RGS7: variants seen among roughly 807,000 people sequenced by gnomAD.
RGS7 encodes the protein regulator of G protein signaling 7, also known as regulator of G-protein signaling 7.
Under a neutral mutation model 81.1 loss-of-function variants are expected in RGS7, and 27 were observed. That is an observed-to-expected ratio of 0.33 (90% CI 0.25 to 0.46). The LOEUF (loss-of-function observed/expected upper bound fraction) is 0.46. RGS7 is among the 20% of genes least tolerant of loss of function. RGS7 has a pLI of 1.00. For missense variants in RGS7, 396 were observed against 607.4 expected (o/e 0.65, Z 3.66); for synonymous variants, 208 against 207.7 (o/e 1.00, Z -0.01).
At chr1:241,323,738 C>A (rs902586005) in intron 2 of RGS7, among the ~76,000 whole-genome samples, 1 of 152,206 alleles carries the variant, frequency 6.6e-6, no homozygotes, top group Non-Finnish European at 1.5e-5. Flanking sequence ...CCCTGAGGTT[C>A]TGATTCCAGT....
intron 2 of RGS7, among the ~76,000 whole-genome samples, chr1:241,265,995 T>C (rs2077574111): frequency 6.6e-6 from 1 of 152,046 alleles, no homozygotes; most frequent in Non-Finnish European, 1.5e-5. Flanking sequence ...GGTTTCTCCA[T>C]GTTGGTCAGG....
intron 6 of RGS7, among the ~76,000 whole-genome samples, chr1:240,872,779 A>G (rs1454868002): frequency 1.3e-5 from 2 of 152,220 alleles, no homozygotes; most frequent in Non-Finnish European, 2.9e-5. Context: ...ACTCATGCAT[A>G]GTCAAAACTA....
Position 240,814,746 on chromosome 1 carries a change from T to C in RGS7, c.815A>G (p.His272Arg), listed in dbSNP as rs1690497526. Residue 272 changes from histidine to arginine, a missense_variant, in exon 12 of 19, where the codon CAT (histidine) becomes CGT (arginine). By Grantham distance (29) the His-to-Arg change is conservative (BLOSUM62 0). Transcript: ENST00000440928. ...IKYWQIQLDR[H>R]RLKMSKVADS... Reference sequence around the variant, plus strand: ...AGCGACTTTTGACATTTTTAACCGATGTCTATCTAACTGTATTTGCCAATA... The same window carrying C: ...AGCGACTTTTGACATTTTTAACCGACGTCTATCTAACTGTATTTGCCAATA... 3 of 1,601,962 alleles carry C rather than the reference T, an allele frequency of 1.9e-6. No homozygotes were observed. Among genetic ancestry groups the C allele is most frequent in the Non-Finnish European group, 2.6e-6 (3 of 1,169,262 alleles).
intron 4 of RGS7, among the ~76,000 whole-genome samples, chr1:240,957,302 G>A (rs1680603581): frequency 6.6e-6 from 1 of 152,204 alleles, no homozygotes; most frequent in Non-Finnish European, 1.5e-5. Context: ...ACTTACACCA[G>A]TGCTTTGCCA....
At chr1:240,832,509 TG>T (rs1446909156) in intron 9 of RGS7, among the ~76,000 whole-genome samples, 1 of 152,228 alleles carries the variant, frequency 6.6e-6, no homozygotes, top group Non-Finnish European at 1.5e-5. Context: ...AGTGTCCTCA[TG>T]AGGTGCAAAA....
At chr1:241,137,633 T>C (rs1052513368) in intron 2 of RGS7, among the ~76,000 whole-genome samples, 1 of 152,336 alleles carries the variant, frequency 6.6e-6, no homozygotes, top group East Asian at 1.9e-4. Flanking sequence ...CAGTATGTGC[T>C]GGAGCTGGCA....
In RGS7 at chr1:241,002,175, G is replaced by T. The variant is rs918360529; in HGVS notation, c.176-19046C>A. Reference sequence around the variant, plus strand: ...AGTCTTAAAAAAATAGGCCCGGCGGGATGGCTCATGCTGGTAATCCCAGCA... The same window carrying T: ...AGTCTTAAAAAAATAGGCCCGGCGGTATGGCTCATGCTGGTAATCCCAGCA... On this transcript the variant is annotated intron_variant, in intron 3 of 18. Transcript: ENST00000440928. 2.0e-5 allele frequency among the ~76,000 whole-genome samples: 3 copies of T among 152,226 alleles called. No individual in the cohort carries two copies. The South Asian group carries it at 6.2e-4, about 32-fold the overall frequency.
intron 4 of RGS7, among the ~76,000 whole-genome samples, chr1:240,960,217 C>CTTCTTTTTTTTTTTTTTTTTTTTTTTTT (rs60911948): frequency 7.8e-4 from 7 of 8,952 alleles, no homozygotes; most frequent in East Asian, 6.4e-3. Context: ...TCTTCTTCTT[C>CTTCTTTTTTTTTTTTTTTTTTTTTTTTT]TTTTTTTTTT....
Position 241,231,435 on chromosome 1 carries a change from G to C in RGS7, c.78+124264C>G, listed in dbSNP as rs111978881. Among the ~76,000 whole-genome samples, 605 of 152,212 alleles carry C rather than the reference G, an allele frequency of 4.0e-3. 3 individuals carry two copies. Among genetic ancestry groups the C allele is most frequent in the Non-Finnish European group, 5.2e-3 (353 of 68,022 alleles). On this transcript the variant is annotated intron_variant, in intron 2 of 18. Transcript: ENST00000440928. ...ATCACATTTTGATTAACCATGCCTG[G>C]CTAATTTTTGTATTTTTAGGAGACA...
intron 3 of RGS7, among the ~76,000 whole-genome samples, chr1:241,049,205 A>G (rs1213326692): frequency 6.6e-6 from 1 of 152,204 alleles, no homozygotes; most frequent in Non-Finnish European, 1.5e-5. Context: ...CATAACACTA[A>G]GATTGAAAAC....
intron 2 of RGS7, among the ~76,000 whole-genome samples, chr1:241,197,951 AT>A (rs2073204198): frequency 6.6e-6 from 1 of 151,772 alleles, no homozygotes; most frequent in East Asian, 1.9e-4. Flanking sequence ...CTATCTATCT[AT>A]CTATCTATCT....
chr1:241,162,865 A>G (rs1401390015), intron 2 of RGS7, among the ~76,000 whole-genome samples: 1 of 152,224 alleles, frequency 6.6e-6, no homozygotes, highest in Non-Finnish European at 1.5e-5. Context: ...AATTTGAAGT[A>G]AGGCAGTCTG....
intron 2 of RGS7, among the ~76,000 whole-genome samples, chr1:241,109,083 C>T (rs1032717919): frequency 1.3e-5 from 2 of 152,292 alleles, no homozygotes; most frequent in African/African-American, 4.8e-5. Context: ...TTGTTTAAAA[C>T]TTCCATTGGC....
chr1:240,874,092 T>C (rs1036964447), intron 6 of RGS7, among the ~76,000 whole-genome samples: 75 of 152,182 alleles, frequency 4.9e-4, no homozygotes, highest in African/African-American at 1.7e-3. Flanking sequence ...CCTTCTACCA[T>C]GTGGGGACAC....
chr1:241,083,245 A>G (rs1301311908), intron 3 of RGS7, among the ~76,000 whole-genome samples: 6 of 143,212 alleles, frequency 4.2e-5, no homozygotes, highest in African/African-American at 1.7e-4. Context: ...AAAAAAAGAA[A>G]AAGAAAAAGA....
intron 3 of RGS7, among the ~76,000 whole-genome samples, chr1:241,018,882 T>A (rs770294299): frequency 2.0e-5 from 3 of 152,082 alleles, no homozygotes; most frequent in South Asian, 4.1e-4. Context: ...TATGCTCAAG[T>A]GGGGCAGAAT....
intron 2 of RGS7, among the ~76,000 whole-genome samples, chr1:241,160,125 A>AAG (rs1553271926): frequency 2.1e-5 from 3 of 141,350 alleles, no homozygotes; most frequent in Non-Finnish European, 4.5e-5. Flanking sequence ...AAAAAAAAAA[A>AAG]AAAAAGAAAA....
At chr1:241,248,376 A>G (rs895086066) in intron 2 of RGS7, among the ~76,000 whole-genome samples, 1 of 148,098 alleles carries the variant, frequency 6.8e-6, no homozygotes, top group South Asian at 2.1e-4. Flanking sequence ...ACGTATATAT[A>G]TGTATATATA....
chr1:240,793,930 C>T (rs1269371666), intron 18 of RGS7, among the ~76,000 whole-genome samples: 3 of 151,762 alleles, frequency 2.0e-5, no homozygotes, highest in South Asian at 2.1e-4. Flanking sequence ...AATTTTTAAG[C>T]GTAGTTTACC....
Sources: gnomAD v4.1 joint callset for allele counts (sites outside exome capture counted in the v4.1 genomes callset) on GRCh38, gnomAD v4.1.1 for gene constraint, MANE v1.5 for transcripts, NCBI Gene and HGNC (gene_info 2026-07-23, HGNC 2026-07-21) for gene names.